The following EYA2 variants were observed in gnomAD, a reference collection of about 807,000 sequenced individuals.
EYA2 encodes protein phosphatase EYA2.
Under a neutral mutation model 69.2 loss-of-function variants are expected in EYA2, and 31 were observed. That is an observed-to-expected ratio of 0.45 (90% CI 0.34 to 0.60). The LOEUF (loss-of-function observed/expected upper bound fraction) is 0.60, where lower values mean the gene tolerates loss of function less well. EYA2 is among the 20% of genes least tolerant of loss of function. The pLI is 0.02. For synonymous variants in EYA2, 257 were observed against 279.4 expected, an observed-to-expected ratio of 0.92 and a Z score of 0.80; for missense variants, 622 against 701.2, an observed-to-expected ratio of 0.89 and a Z score of 1.28.
intron 1 of EYA2, among the ~76,000 whole-genome samples, chr20:46,983,105 T>C (rs1980945290): frequency 6.6e-6 from 1 of 152,198 alleles, no homozygotes; most frequent in Non-Finnish European, 1.5e-5. Context: ...CCTAGATTTT[T>C]TTAGCAGCAT....
chr20:46,979,193 G>A (rs183350535), intron 1 of EYA2, among the ~76,000 whole-genome samples: 8 of 152,304 alleles, frequency 5.3e-5, no homozygotes, highest in South Asian at 2.1e-4. Flanking sequence ...CGGCCCACCC[G>A]CCTGGGACCC....
At chr20:46,962,145 C>A (rs765720497) in intron 1 of EYA2, among the ~76,000 whole-genome samples, 2 of 152,234 alleles carry the variant, frequency 1.3e-5, no homozygotes, top group Non-Finnish European at 2.9e-5. Flanking sequence ...CCTCCCACCT[C>A]AGCCTCCTGA....
At chr20:47,005,502 T>G (rs1200378483) in intron 4 of EYA2, among the ~76,000 whole-genome samples, 2 of 152,250 alleles carry the variant, frequency 1.3e-5, no homozygotes, top group Non-Finnish European at 2.9e-5. Flanking sequence ...TGCATCCTTT[T>G]ATCTCTGCAT....
Position 47,016,220 on chromosome 20 carries a change from A to G in EYA2, c.338A>G (p.Gln113Arg). Residue 113 changes from glutamine to arginine, a missense_variant, in exon 5 of 16, where the codon CAG becomes CGG. Physicochemically the swap from Gln to Arg is conservative, Grantham distance 43. Coordinates refer to ENST00000327619, the MANE Select transcript of EYA2 (RefSeq NM_005244.5). ...GACAGCTTGAACCATTCCCCTGGCC[A>G]GAGTGGATTCCTCAGCTATGGCTCC... ...TEDSLNHSPG[Q>R]SGFLSYGSSF... The G allele has an allele frequency of 1.2e-6, 2 of 1,614,166 alleles. No homozygotes were observed. Among genetic ancestry groups the G allele is most frequent in the Non-Finnish European group, 8.5e-7 (1 of 1,180,022 alleles).
intron 2 of EYA2, among the ~76,000 whole-genome samples, chr20:47,000,575 G>C (rs886845730): frequency 9.2e-5 from 14 of 152,230 alleles, no homozygotes; most frequent in African/African-American, 2.4e-5. Context: ...AGGACATTGA[G>C]TTGCATTGTT....
rs145351958 is a variant in EYA2, at chr20:47,084,279, G to A, written c.662-4960G>A. On this transcript the variant is annotated intron_variant, in intron 7 of 15. Transcript: ENST00000327619. The stretch of plus-strand genomic sequence containing the variant: ...AGGCTGGCTCTGTGCAGTAGCTCAC[G>A]CCTCTAATCCCAGCACTTTGGGAGG... Among the ~76,000 whole-genome samples the A allele has an allele frequency of 2.7e-3, 409 of 152,180 alleles. 2 individuals are homozygous for A. The highest frequency in any genetic ancestry group is 0.01 in the Middle Eastern group (3 of 294).
rs1280526019 is a variant in EYA2, at chr20:47,097,415, G to A, written c.888+247G>A. On this transcript the variant is annotated intron_variant, in intron 9 of 15. Transcript: ENST00000327619. The stretch of plus-strand genomic sequence containing the variant: ...CGTTTGAAGCAATCAACATTTACTT[G>A]ATAGGAAATACACTTGTTGTCTTCA... Among the ~76,000 whole-genome samples the A allele has an allele frequency of 2.6e-5, 4 of 152,152 alleles. 1 individual carries two copies. In the East Asian group the frequency reaches 7.7e-4, roughly 29 times the overall value.
At chr20:47,127,107 A>T (rs1600727610) in intron 9 of EYA2, among the ~76,000 whole-genome samples, 2 of 105,818 alleles carry the variant, frequency 1.9e-5, no homozygotes. Flanking sequence ...TGAATCTCTT[A>T]TAAAAAAAAA....
chr20:46,980,487 A>G (rs958084379), intron 1 of EYA2, among the ~76,000 whole-genome samples: 2 of 152,206 alleles, frequency 1.3e-5, no homozygotes, highest in Non-Finnish European at 2.9e-5. Context: ...TTTTATTGAT[A>G]CATAATAGAT....
intron 10 of EYA2, among the ~76,000 whole-genome samples, chr20:47,145,113 C>A (rs544691374): frequency 6.6e-5 from 10 of 151,874 alleles, no homozygotes; most frequent in East Asian, 5.8e-4. Context: ...AGGGCCCAGG[C>A]AGTAAACAAC....
intron 2 of EYA2, among the ~76,000 whole-genome samples, chr20:46,991,968 C>CAAAAA (rs36163121): frequency 0.18 from 13,790 of 78,660 alleles, 2,133 homozygotes; most frequent in Non-Finnish European, 0.2. Flanking sequence ...GACTCCGTCT[C>CAAAAA]AAAAAAAAAA....
chr20:46,961,418 T>C (rs1392950611), intron 1 of EYA2, among the ~76,000 whole-genome samples: 1 of 152,148 alleles, frequency 6.6e-6, no homozygotes, highest in Non-Finnish European at 1.5e-5. Context: ...TTACACCCTG[T>C]TGGTGGGAAT....
intron 8 of EYA2, among the ~76,000 whole-genome samples, chr20:47,092,448 T>C (rs77663788): frequency 0.015 from 2,259 of 152,278 alleles, 59 homozygotes; most frequent in African/African-American, 0.049. Context: ...CGTATTGGCG[T>C]CAGGTTGTAC....
chr20:47,092,446 C>T (rs1031704425), intron 8 of EYA2, among the ~76,000 whole-genome samples: 20 of 152,224 alleles, frequency 1.3e-4, no homozygotes, highest in Admixed American at 6.5e-4. Context: ...AACGTATTGG[C>T]GTCAGGTTGT....
chr20:47,163,748 G>A lies in EYA2; in HGVS notation c.979-5391G>A, dbSNP rs77727075. The stretch of plus-strand genomic sequence containing the variant: ...ATCCACCTCCTTTTTCTGCACTGCT[G>A]GGTAGGATTCCACTGAATGGATATA... On this transcript the variant is annotated intron_variant, in intron 10 of 15. Transcript: ENST00000327619. Among the ~76,000 whole-genome samples the A allele has an allele frequency of 1.9e-3, 285 of 150,138 alleles. 1 individual carries two copies. The highest frequency in any genetic ancestry group is 6.8e-3 in the African/African-American group (277 of 40,894).
intron 9 of EYA2, among the ~76,000 whole-genome samples, chr20:47,131,304 C>G (rs1465675353): frequency 2.6e-5 from 4 of 152,194 alleles, no homozygotes; most frequent in African/African-American, 9.7e-5. Context: ...CACTATCCCT[C>G]TCAACTATTA....
intron 9 of EYA2, among the ~76,000 whole-genome samples, chr20:47,111,184 G>A (rs6094595): frequency 0.32 from 48,945 of 152,032 alleles, 9,066 homozygotes; most frequent in African/African-American, 0.51. Context: ...AGTGAAATTG[G>A]TAAAATACCT....
intron 5 of EYA2, among the ~76,000 whole-genome samples, chr20:47,047,833 A>G (rs908920432): frequency 2.0e-5 from 3 of 152,174 alleles, no homozygotes; most frequent in Non-Finnish European, 4.4e-5. Context: ...AGGTGTTGGC[A>G]GGGCTGCTTC....
rs150142442 is a variant in EYA2 at position 47,068,001 on chromosome 20, C to A, written c.416-4184C>A. ...TGAGAAATCTGCTGTCATTCCTATT[C>A]TTTTTCCCTTATTCTGGCACATTTT... On this transcript the variant is annotated intron_variant, in intron 5 of 15. Coordinates refer to ENST00000327619, the MANE Select transcript of EYA2 (RefSeq NM_005244.5). 2.0e-4 allele frequency among the ~76,000 whole-genome samples: 31 copies of A among 152,272 alleles called. No individual in the cohort carries two copies. In the South Asian group the frequency reaches 4.8e-3, roughly 23 times the overall value.
Sources: gnomAD v4.1 joint callset for allele counts (sites outside exome capture counted in the v4.1 genomes callset) on GRCh38, gnomAD v4.1.1 for gene constraint, MANE v1.5 for transcripts, NCBI Gene and HGNC (gene_info 2026-07-23, HGNC 2026-07-21) for gene names.